FOXJ3: variants seen among roughly 807,000 people sequenced by gnomAD.
The protein encoded by FOXJ3 is forkhead box protein J3.
FOXJ3 carries 22 observed loss-of-function variants against 76.1 expected under a neutral mutation model. The ratio of observed to expected loss-of-function variants is 0.29; its 90% CI spans 0.21 to 0.41. FOXJ3 has a LOEUF of 0.41. Among genes scored for constraint, FOXJ3 ranks in the 10% least tolerant of loss-of-function variants. The pLI is 1.00. For synonymous variants in FOXJ3, 269 were observed against 261.2 expected (o/e 1.03, Z -0.29); for missense variants, 613 against 762.1 (o/e 0.80, Z 2.30).
At chr1:42,249,193 G>T (rs577812636) in intron 4 of FOXJ3, among the ~76,000 whole-genome samples, 1 of 152,234 alleles carries the variant, frequency 6.6e-6, no homozygotes, top group South Asian at 2.1e-4. Flanking sequence ...GAACAGTGCT[G>T]CAATAAACAT....
chr1:42,326,566 T>C (rs1415527098), intron 1 of FOXJ3, among the ~76,000 whole-genome samples: 1 of 152,208 alleles, frequency 6.6e-6, no homozygotes, highest in Non-Finnish European at 1.5e-5. Flanking sequence ...ACTTTTTCAA[T>C]GTCTAAATTT....
intron 2 of FOXJ3, among the ~76,000 whole-genome samples, chr1:42,285,992 C>T (rs1291611867): frequency 2.6e-5 from 4 of 152,140 alleles, no homozygotes; most frequent in East Asian, 1.9e-4. Context: ...TTATATTTTC[C>T]GATATAGTAA....
At chr1:42,241,416 T>G (rs1196881657) in intron 4 of FOXJ3, among the ~76,000 whole-genome samples, 1 of 152,166 alleles carries the variant, frequency 6.6e-6, no homozygotes, top group Non-Finnish European at 1.5e-5. Context: ...ACCCCCACTT[T>G]GCCCACCAAA....
chr1:42,205,853 GGAGT>G lies in FOXJ3; in HGVS notation c.535_538del (p.Thr179HisfsTer4). On this transcript the variant is annotated frameshift_variant, in exon 6 of 13. Transcript: ENST00000361346. LOFTEE classifies it high-confidence loss of function. ...CAAAGAATCTGAATCTATGCTATAT[GGAGT>G]TGAGGCCTAAAATACAAGAACAAAA... 1 of 1,597,510 alleles carries G rather than the reference GGAGT, an allele frequency of 6.3e-7. No individual in the cohort carries two copies. The highest frequency in any genetic ancestry group is 8.6e-7 in the Non-Finnish European group (1 of 1,166,974).
At chr1:42,294,542 TG>T (rs1281067625) in intron 2 of FOXJ3, among the ~76,000 whole-genome samples, 1 of 152,152 alleles carries the variant, frequency 6.6e-6, no homozygotes, top group Non-Finnish European at 1.5e-5. Context: ...GCAGATCATC[TG>T]GGATCAGGAG....
At chr1:42,300,612 C>A (rs35011283) in intron 2 of FOXJ3, among the ~76,000 whole-genome samples, 1 of 151,932 alleles carries the variant, frequency 6.6e-6, no homozygotes, top group African/African-American at 2.4e-5. Flanking sequence ...CTTGTCTCTA[C>A]AAAAAACACA....
chr1:42,219,857 T>G (rs894686950), intron 5 of FOXJ3, among the ~76,000 whole-genome samples: 6 of 152,208 alleles, frequency 3.9e-5, no homozygotes, highest in Admixed American at 3.9e-4. Context: ...AGGTCGAGAC[T>G]GCAGTGAGCC....
intron 9 of FOXJ3, among the ~76,000 whole-genome samples, chr1:42,191,092 G>T (rs1646531953): frequency 7.4e-6 from 1 of 134,418 alleles, no homozygotes; most frequent in Non-Finnish European, 1.6e-5. Flanking sequence ...AACCTGCAAG[G>T]GTTGCTGGGT....
intron 2 of FOXJ3, among the ~76,000 whole-genome samples, chr1:42,290,362 C>T (rs1653340626): frequency 6.6e-6 from 1 of 152,164 alleles, no homozygotes; most frequent in Admixed American, 6.5e-5. Context: ...TCTGTTGTAA[C>T]AGTGCATCAG....
At chr1:42,229,437 A>C (rs1258610823) in intron 4 of FOXJ3, among the ~76,000 whole-genome samples, 2 of 152,202 alleles carry the variant, frequency 1.3e-5, no homozygotes, top group African/African-American at 4.8e-5. Flanking sequence ...TGTTTAACAA[A>C]CTGCACCAAG....
intron 1 of FOXJ3, among the ~76,000 whole-genome samples, chr1:42,316,333 CTTT>C (rs71065173): frequency 1.4e-5 from 1 of 73,914 alleles, no homozygotes; most frequent in Admixed American, 2.0e-4. Flanking sequence ...TGCATTGGGC[CTTT>C]TTTTTTTTTT....
chr1:42,301,865 A>G (rs1336924387), intron 2 of FOXJ3, among the ~76,000 whole-genome samples: 1 of 151,980 alleles, frequency 6.6e-6, no homozygotes, highest in Non-Finnish European at 1.5e-5. Context: ...CTTCTGGAGC[A>G]TTGTTAACAC....
intron 4 of FOXJ3, among the ~76,000 whole-genome samples, chr1:42,247,908 G>A (rs1649676291): frequency 6.6e-6 from 1 of 152,164 alleles, no homozygotes; most frequent in African/African-American, 2.4e-5. Context: ...ATCCAATGGA[G>A]TATCATTCTG....
Position 42,179,965 on chromosome 1 carries a change from T to C in FOXJ3, c.1754-140A>G, listed in dbSNP as rs1646285153. The C allele has an allele frequency of 6.4e-5, 38 of 594,730 alleles. 1 individual carries two copies. In the South Asian group the frequency reaches 7.7e-4, roughly 12 times the overall value. 36.8% of individuals were successfully genotyped at this position (594,730 alleles called of 1,614,324 possible). ...ACCATAAGCCTTCAAAAAGTGGCTC[T>C]TATGATCCTTATTTTATAGGTAAGG... On this transcript the variant is annotated intron_variant, in intron 12 of 12. Transcript: ENST00000361346.
intron 5 of FOXJ3, among the ~76,000 whole-genome samples, chr1:42,215,295 T>TA (rs1647043857): frequency 2.0e-5 from 3 of 151,028 alleles, no homozygotes; most frequent in Non-Finnish European, 4.4e-5. Flanking sequence ...AAGAGAAAAA[T>TA]AAAAAAATCA....
intron 1 of FOXJ3, among the ~76,000 whole-genome samples, chr1:42,316,099 T>A (rs974993731): frequency 2.3e-4 from 35 of 152,286 alleles, no homozygotes; most frequent in African/African-American, 8.4e-4. Flanking sequence ...ACACTAACAG[T>A]TGTATAATAA....
chr1:42,260,440 C>T (rs1453983115), intron 4 of FOXJ3, among the ~76,000 whole-genome samples: 6 of 152,130 alleles, frequency 3.9e-5, no homozygotes, highest in African/African-American at 1.4e-4. Flanking sequence ...GTGGCTCACA[C>T]CTCTAATCTC....
chr1:42,191,587 C>T lies in FOXJ3; in HGVS notation c.1067G>A (p.Gly356Asp). 1.2e-6 allele frequency: 2 copies of T among 1,614,096 alleles called. No individual in the cohort carries two copies. The highest frequency in any genetic ancestry group is 1.7e-6 in the Non-Finnish European group (2 of 1,180,008). Residue 356 changes from glycine (G) to aspartate (D), a missense_variant, in exon 9 of 13, where the codon GGC becomes GAC. By Grantham distance (94) the Gly-to-Asp change is moderately conservative (BLOSUM62 -1). Around this residue, in one of 3 missense-constraint regions of FOXJ3, gnomAD observed 526 missense variants for 601.4 expected, o/e 0.87. Transcript: ENST00000361346. ...QSSLSNSHGS[G>D]LNTTGSNSVA... ...CGAATTACTGCCTGTGGTGTTGAGG[C>T]CACTGCCATGACTGTTGGACAGGCT...
chr1:42,254,686 T>A (rs343397), intron 4 of FOXJ3, among the ~76,000 whole-genome samples: 1 of 137,796 alleles, frequency 7.3e-6, no homozygotes, highest in African/African-American at 2.7e-5. Context: ...AAATTGGAAA[T>A]CATCATTCTC....
Sources: gnomAD v4.1 joint callset for allele counts (sites outside exome capture counted in the v4.1 genomes callset) on GRCh38, gnomAD v4.1.1 for gene constraint, gnomAD v4.1.1 regional missense constraint, MANE v1.5 for transcripts, NCBI Gene and HGNC (gene_info 2026-07-23, HGNC 2026-07-21) for gene names.